The following HEATR4 variants were observed in gnomAD, a reference collection of about 807,000 sequenced individuals.
HEATR4 encodes the protein HEAT repeat-containing protein 4.
HEATR4 carries 95 observed loss-of-function variants against 108.8 expected under a neutral mutation model. The ratio of observed to expected loss-of-function variants is 0.87; its 90% CI spans 0.74 to 1.04. The LOEUF (loss-of-function observed/expected upper bound fraction) is 1.04. Ranked by LOEUF, HEATR4 falls within the 50% of genes least tolerant of loss-of-function variation. The probability of loss-of-function intolerance (pLI) is 0.00; values close to 1 mark genes in which losing one functional copy is unlikely to be tolerated. For synonymous variants in HEATR4, 443 were observed against 459.4 expected (o/e 0.96, Z 0.46); for missense variants, 1,152 against 1,253.8 (o/e 0.92, Z 1.23).
In HEATR4 at chr14:73,544,178, C is replaced by G. The variant is rs1889195521; in HGVS notation, c.-151-13934G>C. 1.7e-5 allele frequency among the ~76,000 whole-genome samples: 2 copies of G among 114,964 alleles called. 1 individual carries two copies. Among genetic ancestry groups the G allele is most frequent in the Non-Finnish European group, 3.8e-5 (2 of 52,728 alleles). The allele number at this position is 114,964 out of a possible 152,430, so 75.4% of individuals were successfully genotyped here. ...GCGTGGTGGCGCATGCCTGTAGTCCCAGCTACTCAGGAGGCTGACGCAGGA... is the reference window on the plus strand; with the variant it reads ...GCGTGGTGGCGCATGCCTGTAGTCCGAGCTACTCAGGAGGCTGACGCAGGA... On this transcript the variant is annotated intron_variant, in intron 1 of 17. Coordinates refer to ENST00000553558, the MANE Select transcript of HEATR4 (RefSeq NM_001220484.1).
In HEATR4 at chr14:73,535,243, TA is replaced by T. The variant is rs1182597145; in HGVS notation, c.-151-5000del. On this transcript the variant is annotated intron_variant, in intron 1 of 17. Transcript: ENST00000553558. The stretch of plus-strand genomic sequence containing the variant: ...TGAAGTTATACTTAAAACAAATTCC[TA>T]GACGTGGAACTGTGAGTCAAAGAGA... Among the ~76,000 whole-genome samples, 17 of 114,234 alleles carry T rather than the reference TA, an allele frequency of 1.5e-4. 4 individuals carry two copies. The highest frequency in any genetic ancestry group is 4.3e-4 in the African/African-American group (15 of 35,266). The allele number at this position is 114,234 out of a possible 152,430, so 74.9% of individuals were successfully genotyped here. A position where few individuals can be genotyped will look rare whatever the true frequency, so the allele number is the denominator to read the frequency against.
chr14:73,590,079 G>C, the HEATR4 span, among the ~76,000 whole-genome samples: 1 of 152,048 alleles, frequency 6.6e-6, no homozygotes, highest in African/African-American at 2.4e-5. Context: ...AAACCTTCCC[G>C]CAACGTAGAA....
intron 1 of HEATR4, among the ~76,000 whole-genome samples, chr14:73,556,338 T>A (rs1435889394): frequency 3.6e-5 from 4 of 110,176 alleles, no homozygotes; most frequent in African/African-American, 1.2e-4. Context: ...GGCAGGAGAA[T>A]CGCTTGAACC....
the HEATR4 span, chr14:73,619,798 C>T: frequency 3.1e-6 from 5 of 1,610,470 alleles, no homozygotes; most frequent in East Asian, 4.5e-5. Context: ...CTTCCATAAA[C>T]ATCTCAATGG....
At chr14:73,558,376 T>TG (rs540407880) in intron 1 of HEATR4, among the ~76,000 whole-genome samples, 18 of 128,070 alleles carry the variant, frequency 1.4e-4, no homozygotes, top group Middle Eastern at 3.6e-3. Flanking sequence ...ATTTGTTTTT[T>TG]TTTTTTTGAG....
the HEATR4 span, among the ~76,000 whole-genome samples, chr14:73,570,513 G>T: frequency 6.6e-6 from 1 of 151,990 alleles, no homozygotes; most frequent in African/African-American, 2.4e-5. Context: ...AGTTTGTAGT[G>T]AGCTGAGATC....
chr14:73,597,586 CTTTTCTTTTTTT>C, the HEATR4 span, among the ~76,000 whole-genome samples: 1 of 124,370 alleles, frequency 8.0e-6, no homozygotes, highest in African/African-American at 2.8e-5. Context: ...TTTCTTTTTT[CTTTTCTTTTTTT>C]TTTTTTTTTT....
Position 73,523,226 on chromosome 14 carries a change from T to C in HEATR4, c.-72-2A>G, listed in dbSNP as rs1566842008. ...AGGCCTGGAGATGAGACCTGGCACC[T>C]GTTAAGGGAATGGGAGGAACTGATG... On this transcript the variant is annotated splice_acceptor_variant, in intron 2 of 17. Transcript: ENST00000553558. LOFTEE classifies it low-confidence loss of function (5UTR_SPLICE). 2 of 1,419,140 alleles carry C rather than the reference T, an allele frequency of 1.4e-6. No individual in the cohort carries two copies. The highest frequency in any genetic ancestry group is 1.9e-6 in the Non-Finnish European group (2 of 1,068,164). 87.9% of individuals were successfully genotyped at this position (1,419,140 alleles called of 1,614,324 possible).
chr14:73,610,401 C>T, the HEATR4 span, among the ~76,000 whole-genome samples: 1 of 151,776 alleles, frequency 6.6e-6, no homozygotes, highest in Non-Finnish European at 1.5e-5. Flanking sequence ...AGCAATTCTC[C>T]TGCCGCCGCC....
At chr14:73,576,385 A>C in the HEATR4 span, among the ~76,000 whole-genome samples, 1 of 152,016 alleles carries the variant, frequency 6.6e-6, no homozygotes, top group African/African-American at 2.4e-5. Flanking sequence ...GGATTCTCCT[A>C]GTGCAAATAA....
chr14:73,539,686 C>T (rs1317924401), intron 1 of HEATR4: 1 of 118,764 alleles, frequency 8.4e-6, no homozygotes, highest in African/African-American at 2.8e-5. Context: ...TCACATGCAG[C>T]TCCCTGAGAA....
Position 73,480,395 on chromosome 14 carries a change from G to A in HEATR4, c.2845-1553C>T, listed in dbSNP as rs148548383. ...GCAGAGGTTGCAGTGAGCCAAGATTGCGCCACTGTACTCTAGCCTGGGCGA... is the reference window on the plus strand; with the variant it reads ...GCAGAGGTTGCAGTGAGCCAAGATTACGCCACTGTACTCTAGCCTGGGCGA... On this transcript the variant is annotated intron_variant, in intron 17 of 17. Coordinates refer to ENST00000553558, the MANE Select transcript of HEATR4 (RefSeq NM_001220484.1). Among the ~76,000 whole-genome samples the A allele has an allele frequency of 2.0e-3, 297 of 152,230 alleles. 1 individual carries two copies. Among genetic ancestry groups the A allele is most frequent in the African/African-American group, 7.0e-3 (289 of 41,542 alleles).
At chr14:73,563,915 C>A (rs1198047832), upstream of HEATR4, among the ~76,000 whole-genome samples, 1 of 151,668 alleles carries the variant, frequency 6.6e-6, no homozygotes, top group African/African-American at 2.4e-5. Context: ...GTGGGAGGAT[C>A]CTTTGAACCC....
At chr14:73,487,126 A>T (rs2108551) in intron 17 of HEATR4, among the ~76,000 whole-genome samples, 32,116 of 146,144 alleles carry the variant, frequency 0.22, 5,116 homozygotes, top group East Asian at 0.49. Flanking sequence ...AATAATAATT[A>T]AAAAAAGAAT....
chr14:73,583,012 G>C, the HEATR4 span: 1 of 152,044 alleles, frequency 6.6e-6, no homozygotes, highest in African/African-American at 2.4e-5. Context: ...GCTGATTCCA[G>C]CTTCTCTGAA....
In HEATR4 at chr14:73,537,355, T is replaced by C. The variant is rs1162038127; in HGVS notation, c.-151-7111A>G. ...TGCGACGGCAGCCCGAGAGGAAGAGTTGGGCAGAGTTGCAGGGGTCTCCAC... is the reference window on the plus strand; with the variant it reads ...TGCGACGGCAGCCCGAGAGGAAGAGCTGGGCAGAGTTGCAGGGGTCTCCAC... On this transcript the variant is annotated intron_variant, in intron 1 of 17. Coordinates refer to ENST00000553558, the MANE Select transcript of HEATR4 (RefSeq NM_001220484.1). 2.0e-4 allele frequency: 241 copies of C among 1,181,174 alleles called. 70 individuals are homozygous for C. The highest frequency in any genetic ancestry group is 2.6e-4 in the Non-Finnish European group (234 of 888,446). 73.2% of individuals were successfully genotyped at this position (1,181,174 alleles called of 1,614,324 possible). A position where few individuals can be genotyped will look rare whatever the true frequency, so the allele number is the denominator to read the frequency against.
chr14:73,602,306 G>A, the HEATR4 span, among the ~76,000 whole-genome samples: 3 of 152,148 alleles, frequency 2.0e-5, no homozygotes, highest in African/African-American at 7.2e-5. Flanking sequence ...GCATTCCACT[G>A]GAGGCTATAT....
At chr14:73,585,192 A>G in the HEATR4 span, among the ~76,000 whole-genome samples, 403 of 151,946 alleles carry the variant, frequency 2.7e-3, 3 homozygotes, top group African/African-American at 9.0e-3. Flanking sequence ...CTGTCTCACG[A>G]CCTGGCCACC....
the HEATR4 span, chr14:73,571,466 G>A: frequency 6.6e-6 from 1 of 152,308 alleles, no homozygotes; most frequent in Non-Finnish European, 1.5e-5. Context: ...AAGGTCCTCC[G>A]GGGTTGGGCT....
Sources: allele counts gnomAD v4.1 joint callset (sites outside exome capture counted in the v4.1 genomes callset), GRCh38; gene constraint gnomAD v4.1.1; transcripts MANE v1.5; gene names NCBI Gene and HGNC (gene_info 2026-07-23, HGNC 2026-07-21).